ADAMTS19: variants seen among roughly 807,000 people sequenced by gnomAD.
The protein encoded by ADAMTS19 is ADAM metallopeptidase with thrombospondin type 1 motif 19, also known as A disintegrin and metalloproteinase with thrombospondin motifs 19.
In ADAMTS19, 93 loss-of-function variants were observed where a neutral mutation model predicts 153.3. The observed-to-expected ratio is 0.61, with a 90% CI of 0.51 to 0.72. The LOEUF is 0.72. ADAMTS19 is among the 30% of genes least tolerant of loss of function. The pLI is 0.00. For synonymous variants in ADAMTS19, 600 were observed against 556.6 expected (o/e 1.08, Z -1.10); for missense variants, 1,482 against 1,552.1 (o/e 0.95, Z 0.76).
At chr5:129,666,337 A>G (rs984934258) in intron 16 of ADAMTS19, among the ~76,000 whole-genome samples, 3 of 152,154 alleles carry the variant, frequency 2.0e-5, no homozygotes, top group Non-Finnish European at 2.9e-5. Context: ...TGATTATGTC[A>G]GGCAGACATT....
In ADAMTS19 at chr5:129,735,129, A is replaced by G. The variant is rs1757610628; in HGVS notation, c.3490+20A>G. ...GACTGGGTAAGCAGACAAAAAAAAA[A>G]GATGCTTTTGAAAAACATAGAAATG... is the stretch of plus-strand genomic sequence containing the variant. On this transcript the variant is annotated intron_variant, in intron 22 of 22. Transcript: ENST00000274487. The G allele has an allele frequency of 6.6e-7, 1 of 1,525,320 alleles. No homozygotes were observed. Among genetic ancestry groups the G allele is most frequent in the East Asian group, 2.3e-5 (1 of 42,822 alleles). The allele number at this position is 1,525,320 out of a possible 1,614,324, so 94.5% of individuals were successfully genotyped here.
At chr5:129,480,726 A>G (rs549804379) in intron 2 of ADAMTS19, among the ~76,000 whole-genome samples, 2 of 152,334 alleles carry the variant, frequency 1.3e-5, no homozygotes, top group African/African-American at 4.8e-5. Flanking sequence ...TTTTTTCATA[A>G]CAGCCTCAAA....
chr5:129,699,384 T>C (rs1321481643), intron 19 of ADAMTS19, among the ~76,000 whole-genome samples: 5 of 148,758 alleles, frequency 3.4e-5, no homozygotes, highest in Non-Finnish European at 5.9e-5. Context: ...GATTGTACCA[T>C]TGCACTCCAG....
At chr5:129,526,479 T>G (rs1752012025) in intron 4 of ADAMTS19, 23 bp downstream of exon 4, 5 of 1,570,072 alleles carry the variant, frequency 3.2e-6, no homozygotes, top group Non-Finnish European at 3.4e-6. Context: ...TAAAGTGCGC[T>G]TGGAATTTTT....
chr5:129,638,999 ACT>A (rs1250477339), intron 10 of ADAMTS19, among the ~76,000 whole-genome samples: 2 of 152,054 alleles, frequency 1.3e-5, no homozygotes, highest in African/African-American at 4.8e-5. Context: ...CTTTTAATAA[ACT>A]CTTTTTACTA....
chr5:129,584,615 G>A (rs573485914), intron 7 of ADAMTS19, among the ~76,000 whole-genome samples: 1 of 152,182 alleles, frequency 6.6e-6, no homozygotes, highest in South Asian at 2.1e-4. Context: ...AATCTAGAGA[G>A]CCAGTCTGGC....
intron 6 of ADAMTS19, among the ~76,000 whole-genome samples, chr5:129,550,531 T>G: frequency 6.7e-6 from 1 of 149,878 alleles, no homozygotes; most frequent in African/African-American, 2.4e-5. Flanking sequence ...TATATATACA[T>G]ATACAGATAC....
intron 8 of ADAMTS19, among the ~76,000 whole-genome samples, chr5:129,612,118 C>T (rs1207357107): frequency 3.5e-5 from 4 of 113,494 alleles, no homozygotes; most frequent in African/African-American, 9.8e-5. Context: ...TGCTATCCCT[C>T]CCCCCTACCC....
chr5:129,610,098 TA>T (rs869187699), intron 8 of ADAMTS19, among the ~76,000 whole-genome samples: 1 of 10,980 alleles, frequency 9.1e-5, no homozygotes, highest in Non-Finnish European at 1.2e-3. Flanking sequence ...TGGTATTATA[TA>T]TATATATATA....
intron 8 of ADAMTS19, among the ~76,000 whole-genome samples, chr5:129,604,605 G>C (rs773408918): frequency 1.3e-5 from 2 of 152,126 alleles, no homozygotes; most frequent in Non-Finnish European, 2.9e-5. Context: ...GTAGATATTA[G>C]GCTCTTGATA....
At chr5:129,712,347 A>G (rs1355450104) in intron 21 of ADAMTS19, among the ~76,000 whole-genome samples, 1 of 152,184 alleles carries the variant, frequency 6.6e-6, no homozygotes, top group Non-Finnish European at 1.5e-5. Context: ...TATCCTAAAA[A>G]AGAAACATTT....
At chr5:129,524,684 A>G (rs1471411971) in intron 3 of ADAMTS19, among the ~76,000 whole-genome samples, 1 of 151,658 alleles carries the variant, frequency 6.6e-6, no homozygotes, top group Non-Finnish European at 1.5e-5. Flanking sequence ...TTATGCAGCC[A>G]GTGAAGTGGC....
chr5:129,678,879 T>C (rs1354138040), intron 16 of ADAMTS19, among the ~76,000 whole-genome samples: 1 of 152,172 alleles, frequency 6.6e-6, no homozygotes, highest in Non-Finnish European at 1.5e-5. Context: ...GCTTAAGTTA[T>C]CAAAATGTTT....
intron 7 of ADAMTS19, among the ~76,000 whole-genome samples, chr5:129,578,012 G>T (rs1749237833): frequency 1.4e-5 from 2 of 140,288 alleles, no homozygotes; most frequent in Admixed American, 7.1e-5. Flanking sequence ...TTAGCTCCCT[G>T]AAGGAATTTA....
chr5:129,511,001 AGG>A (rs1751424064), intron 3 of ADAMTS19, among the ~76,000 whole-genome samples: 1 of 151,618 alleles, frequency 6.6e-6, no homozygotes. Context: ...ATGCTTTTTG[AGG>A]GCTCAGAATT....
At chr5:129,524,192 A>T (rs1470709741) in intron 3 of ADAMTS19, among the ~76,000 whole-genome samples, 1 of 152,168 alleles carries the variant, frequency 6.6e-6, no homozygotes, top group Non-Finnish European at 1.5e-5. Context: ...CAAACCTGAC[A>T]AAAACAAGCA....
intron 5 of ADAMTS19, among the ~76,000 whole-genome samples, chr5:129,528,259 A>G (rs190415850): frequency 1.4e-4 from 22 of 152,160 alleles, no homozygotes; most frequent in African/African-American, 5.3e-4. Flanking sequence ...ATTTAAGTAT[A>G]AAAGTTCCAT....
chr5:129,702,174 G>A (rs972530874), intron 20 of ADAMTS19, among the ~76,000 whole-genome samples: 1 of 152,132 alleles, frequency 6.6e-6, no homozygotes, highest in South Asian at 2.1e-4. Flanking sequence ...CTACAGGCTT[G>A]TAGTGTATAA....
At chr5:129,583,609 C>T (rs946413970) in intron 7 of ADAMTS19, among the ~76,000 whole-genome samples, 8 of 151,778 alleles carry the variant, frequency 5.3e-5, no homozygotes, top group Non-Finnish European at 1.0e-4. Flanking sequence ...TTGTTCATTC[C>T]TTTTCATTCC....
Sources: allele counts gnomAD v4.1 joint callset (sites outside exome capture counted in the v4.1 genomes callset), GRCh38; gene constraint gnomAD v4.1.1; transcripts MANE v1.5; gene names NCBI Gene and HGNC (gene_info 2026-07-23, HGNC 2026-07-21).